CCDC33: variants seen among roughly 807,000 people sequenced by gnomAD.
CCDC33 encodes the protein coiled-coil domain containing 33.
CCDC33 carries 94 observed loss-of-function variants against 91.9 expected under a neutral mutation model. The observed-to-expected ratio is 1.02, with a 90% CI of 0.87 to 1.21. The LOEUF is 1.21. Ranked by LOEUF, CCDC33 falls within the 50% of genes most tolerant of loss-of-function variation. The pLI, the probability that CCDC33 is intolerant of heterozygous loss-of-function variation, is 0.00. For missense variants in CCDC33, 940 were observed against 935.5 expected (o/e 1.00, Z -0.06); for synonymous variants, 396 against 374.5 (o/e 1.06, Z -0.66).
At chr15:74,270,805 G>T (rs1046182148) in intron 5 of CCDC33, among the ~76,000 whole-genome samples, 2 of 152,172 alleles carry the variant, frequency 1.3e-5, no homozygotes, top group African/African-American at 4.8e-5. Flanking sequence ...GTCAGTGAGG[G>T]TTGGAGCAAG....
intron 10 of CCDC33, among the ~76,000 whole-genome samples, chr15:74,288,092 G>C (rs1006341001): frequency 3.3e-5 from 5 of 152,170 alleles, no homozygotes; most frequent in African/African-American, 9.7e-5. Flanking sequence ...AACACACACA[G>C]AGTTTGACAG....
chr15:74,256,115 G>A (rs1176980392), intron 2 of CCDC33, among the ~76,000 whole-genome samples: 1 of 152,190 alleles, frequency 6.6e-6, no homozygotes, highest in Non-Finnish European at 1.5e-5. Context: ...AGGGTGGGGA[G>A]GCGCCAGGAA....
rs563899460 is a variant in CCDC33 at position 74,335,667 on chromosome 15, G to A, written c.2140-258G>A. ...GCCCGTGGCCAGAAGCTCAGCAGCG[G>A]CTCCTGGGAAAGGCCTGGAAAGGAT... On this transcript the variant is annotated intron_variant, in intron 18 of 18. Coordinates refer to ENST00000398814, the MANE Select transcript of CCDC33 (RefSeq NM_025055.5). The A allele has an allele frequency of 7.1e-6, 3 of 422,146 alleles. No homozygotes were observed. In the South Asian group the frequency reaches 1.1e-4, roughly 16 times the overall value. 26.2% of individuals were successfully genotyped at this position (422,146 alleles called of 1,614,324 possible). A position where few individuals can be genotyped will look rare whatever the true frequency, so the allele number is the denominator to read the frequency against.
At chr15:74,255,136 C>A (rs1455988119) in intron 2 of CCDC33, among the ~76,000 whole-genome samples, 1 of 146,786 alleles carries the variant, frequency 6.8e-6, no homozygotes, top group Non-Finnish European at 1.5e-5. Context: ...CCAGCCCTCT[C>A]CTGAGCTCCA....
At chr15:74,317,463 G>A (rs1194719054) in intron 11 of CCDC33, among the ~76,000 whole-genome samples, 1 of 152,208 alleles carries the variant, frequency 6.6e-6, no homozygotes. Context: ...AGAAGCCAGA[G>A]GCCCCCCAAC....
At chr15:74,250,916 T>C (rs1177937725) in intron 2 of CCDC33, among the ~76,000 whole-genome samples, 1 of 152,168 alleles carries the variant, frequency 6.6e-6, no homozygotes, top group African/African-American at 2.4e-5. Context: ...TCTAAAGCTC[T>C]ACAGGGGGAA....
upstream of CCDC33, among the ~76,000 whole-genome samples, chr15:74,232,492 G>T (rs1007614588): frequency 9.2e-5 from 14 of 152,206 alleles, no homozygotes; most frequent in Middle Eastern, 3.2e-3. Context: ...GTCCAGGAAA[G>T]TGTGCCTCTC....
intron 1 of CCDC33, among the ~76,000 whole-genome samples, chr15:74,240,618 G>T (rs371696490): frequency 1.6e-3 from 246 of 152,020 alleles, no homozygotes; most frequent in African/African-American, 5.8e-3. Flanking sequence ...TTTTGTTGTT[G>T]TTGTTGGAGT....
In CCDC33 at chr15:74,330,193, T is replaced by C; in HGVS notation, c.1295T>C (p.Met432Thr). The part of the protein sequence containing the change: ...LVPEMSHDTE[M>T]NNYRRAMQKM... ...TCTGGGCTCTGGGATCCACAGGAGA[T>C]GAACAACTACCGGCGGGCCATGCAG... is the stretch of plus-strand genomic sequence containing the variant. Residue 432 changes from methionine (M) to threonine (T), a missense_variant, in exon 12 of 19, where the codon ATG (methionine) becomes ACG (threonine). Coordinates refer to ENST00000398814, the MANE Select transcript of CCDC33 (RefSeq NM_025055.5). 1.2e-6 allele frequency: 2 copies of C among 1,602,706 alleles called. No homozygotes were observed. Among genetic ancestry groups the C allele is most frequent in the Middle Eastern group, 1.7e-4 (1 of 5,944 alleles).
rs535788674 is a variant in CCDC33, at chr15:74,208,091, G to T, written n.90-1297G>T. The stretch of plus-strand genomic sequence containing the variant: ...ACCAGGCTGTTCTGGTATGAGGGTG[G>T]ACACTGGTGAGGAGGAGGAGGGTAG... On this transcript the variant is annotated intron_variant and non_coding_transcript_variant, in intron 1 of 3. Coordinates refer to the CCDC33 transcript ENST00000558645. 4.4e-5 allele frequency: 53 copies of T among 1,194,352 alleles called. 2 individuals carry two copies. In the East Asian group the frequency reaches 2.2e-3, roughly 49 times the overall value. The allele number at this position is 1,194,352 out of a possible 1,614,324, so 74.0% of individuals were successfully genotyped here.
At chr15:74,279,824 A>G (rs2076544992) in intron 7 of CCDC33, 139 bp from the exon 8 acceptor site, 1 of 1,203,414 alleles carries the variant, frequency 8.3e-7, no homozygotes, top group Non-Finnish European at 1.1e-6. Flanking sequence ...GGCGTGAGCC[A>G]CTGTGCCCAG....
upstream of CCDC33, among the ~76,000 whole-genome samples, chr15:74,233,033 C>A (rs951186226): frequency 6.6e-6 from 1 of 152,216 alleles, no homozygotes; most frequent in African/African-American, 2.4e-5. Context: ...CTCAGGTAGC[C>A]CTTCAACAGA....
rs922665172 is a variant in CCDC33, at chr15:74,244,554, G to A, written c.185+406G>A. ...CCACCCCACCATACCCAGCCCTGGG[G>A]TAGGGTCCTCATAACCACCCTCCCC... is the stretch of plus-strand genomic sequence containing the variant. On this transcript the variant is annotated intron_variant, in intron 2 of 18. Coordinates refer to ENST00000398814, the MANE Select transcript of CCDC33 (RefSeq NM_025055.5). The surrounding 1 kb of genome is among the most constrained non-coding windows in gnomAD (Gnocchi z 4.2). Among the ~76,000 whole-genome samples, 7 of 152,068 alleles carry A rather than the reference G, an allele frequency of 4.6e-5. No individual in the cohort carries two copies. Among genetic ancestry groups the A allele is most frequent in the Admixed American group, 3.9e-4 (6 of 15,280 alleles).
At chr15:74,254,180 G>A (rs907293892) in intron 2 of CCDC33, among the ~76,000 whole-genome samples, 10 of 151,534 alleles carry the variant, frequency 6.6e-5, no homozygotes, top group East Asian at 3.9e-4. Context: ...TTACAGGCGC[G>A]CGCCACCACT....
upstream of CCDC33, among the ~76,000 whole-genome samples, chr15:74,216,035 C>T (rs779741762): frequency 3.9e-5 from 6 of 152,132 alleles, no homozygotes; most frequent in South Asian, 2.1e-4. Context: ...GGCCAGGATA[C>T]GTGCACAAAG....
chr15:74,208,468 C>G (rs374152187), intron 1 of CCDC33, among the ~76,000 whole-genome samples: 195 of 152,262 alleles, frequency 1.3e-3, no homozygotes, highest in African/African-American at 4.2e-3. Context: ...GGGCAGATCC[C>G]CTGACTTCTC....
At chr15:74,305,735 A>C (rs552656376) in intron 11 of CCDC33, among the ~76,000 whole-genome samples, 2 of 152,170 alleles carry the variant, frequency 1.3e-5, no homozygotes, top group Non-Finnish European at 2.9e-5. Flanking sequence ...TCATGCATTC[A>C]TTCATTTGTT....
Position 74,236,406 on chromosome 15 carries a change from C to T in CCDC33, c.-314C>T. 2.6e-6 allele frequency: 1 copy of T among 381,874 alleles called. No individual in the cohort carries two copies. The highest frequency in any genetic ancestry group is 4.7e-6 in the Non-Finnish European group (1 of 212,362). 23.7% of individuals were successfully genotyped at this position (381,874 alleles called of 1,614,324 possible). ...CCTAGGTGTGCCAAGAGTCAATTGCCTCATTGCTGACCCTGTCCAGCTGGC... is the reference window on the plus strand; with the variant it reads ...CCTAGGTGTGCCAAGAGTCAATTGCTTCATTGCTGACCCTGTCCAGCTGGC... On this transcript the variant is annotated 5_prime_UTR_variant, in exon 1 of 19. Coordinates refer to ENST00000398814, the MANE Select transcript of CCDC33 (RefSeq NM_025055.5).
At chr15:74,240,951 A>G (rs2075329043) in intron 1 of CCDC33, among the ~76,000 whole-genome samples, 1 of 152,154 alleles carries the variant, frequency 6.6e-6, no homozygotes, top group Non-Finnish European at 1.5e-5. Context: ...GTGCCACTAA[A>G]CCAGGAGAGC....
Sources: gnomAD v4.1 joint callset for allele counts (sites outside exome capture counted in the v4.1 genomes callset) on GRCh38, gnomAD v4.1.1 for gene constraint, Gnocchi (gnomAD v3.1) non-coding constraint, MANE v1.5 for transcripts, NCBI Gene and HGNC (gene_info 2026-07-23, HGNC 2026-07-21) for gene names.